The following GALNT18 variants were observed in gnomAD, a reference collection of about 807,000 sequenced individuals.
GALNT18 encodes GalNAc-transferase 18.
Under a neutral mutation model 69.5 loss-of-function variants are expected in GALNT18, and 44 were observed. The observed-to-expected ratio is 0.63, with a 90% CI of 0.50 to 0.81. The LOEUF (loss-of-function observed/expected upper bound fraction) is 0.81. Ranked by LOEUF, GALNT18 falls within the 40% of genes least tolerant of loss-of-function variation. The pLI is 0.00. For missense variants in GALNT18, 715 were observed against 810.0 expected, an observed-to-expected ratio of 0.88 and a Z score of 1.42; for synonymous variants, 364 against 318.2, an observed-to-expected ratio of 1.14 and a Z score of -1.53.
At chr11:11,566,974 T>A (rs2133991041) in intron 1 of GALNT18, among the ~76,000 whole-genome samples, 1 of 152,192 alleles carries the variant, frequency 6.6e-6, no homozygotes, top group East Asian at 1.9e-4. Context: ...GCTTCCTGGA[T>A]CCTGCTTAGG....
rs773214798 is a variant in GALNT18, at chr11:11,432,267, A to G, written c.595+354T>C. Among the ~76,000 whole-genome samples the G allele has an allele frequency of 6.6e-6, 1 of 152,198 alleles. No individual in the cohort carries two copies. Among genetic ancestry groups the G allele is most frequent in the Non-Finnish European group, 1.5e-5 (1 of 68,036 alleles). ...ACAATCTTCCAGGCAGAGGCTGTGG[A>G]ACCCTACTAGGTGAAATGATGCATC... On this transcript the variant is annotated intron_variant, in intron 3 of 10. Transcript: ENST00000227756. The surrounding 1 kb of genome is among the most constrained non-coding windows in gnomAD (Gnocchi z 5.8).
chr11:11,418,044 A>G (rs1243735247), intron 3 of GALNT18, among the ~76,000 whole-genome samples: 1 of 152,222 alleles, frequency 6.6e-6, no homozygotes, highest in East Asian at 1.9e-4. Context: ...ATGTATTCTG[A>G]TGATAGAACT....
At chr11:11,405,172 G>A (rs1854562238) in intron 3 of GALNT18, among the ~76,000 whole-genome samples, 1 of 151,888 alleles carries the variant, frequency 6.6e-6, no homozygotes, top group South Asian at 2.1e-4. Flanking sequence ...TGGGTAATGG[G>A]AGGCAATGTG....
At position 11,320,149 on chromosome 11, in the gene GALNT18, G is replaced by A. The variant is rs541339852; in HGVS notation, c.1512+6937C>T. Among the ~76,000 whole-genome samples the A allele has an allele frequency of 6.6e-6, 1 of 152,118 alleles. No homozygotes were observed. Among genetic ancestry groups the A allele is most frequent in the Non-Finnish European group, 1.5e-5 (1 of 68,006 alleles). On this transcript the variant is annotated intron_variant, in intron 9 of 10. Coordinates refer to ENST00000227756, the MANE Select transcript of GALNT18 (RefSeq NM_198516.3). The surrounding 1 kb of genome is among the most constrained non-coding windows in gnomAD (Gnocchi z 4.9). ...GCTGGGATTTGAACCCATATAGTCTGGTTCTTAATCACTATATATTGCCTC... is the reference window on the plus strand; with the variant it reads ...GCTGGGATTTGAACCCATATAGTCTAGTTCTTAATCACTATATATTGCCTC...
At chr11:11,306,733 T>G (rs7930249) in intron 9 of GALNT18, among the ~76,000 whole-genome samples, 23,554 of 152,236 alleles carry the variant, frequency 0.15, 2,102 homozygotes, top group East Asian at 0.25. Flanking sequence ...TGATGAGGCA[T>G]TGTGACGTGT....
chr11:11,499,141 T>C (rs1856925931), intron 1 of GALNT18, among the ~76,000 whole-genome samples: 1 of 152,220 alleles, frequency 6.6e-6, no homozygotes, highest in South Asian at 2.1e-4. Context: ...CTTTATTATA[T>C]GATCAGCCAG....
At chr11:11,578,330 C>CAAAAAAAAAAAAAAAAAAAAAAAA (rs57579910) in intron 1 of GALNT18, among the ~76,000 whole-genome samples, 2 of 120,606 alleles carry the variant, frequency 1.7e-5, no homozygotes, top group African/African-American at 7.1e-5. Context: ...TAAAAAGAAC[C>CAAAAAAAAAAAAAAAAAAAAAAAA]AAAAAAAAAA....
chr11:11,343,071 C>T (rs999310238), intron 6 of GALNT18, among the ~76,000 whole-genome samples: 7 of 152,236 alleles, frequency 4.6e-5, no homozygotes, highest in South Asian at 4.1e-4. Flanking sequence ...TTGCCAGTTG[C>T]GGTGGCTCAC....
chr11:11,483,223 A>C (rs1856571217), intron 1 of GALNT18, among the ~76,000 whole-genome samples: 1 of 152,060 alleles, frequency 6.6e-6, no homozygotes, highest in Non-Finnish European at 1.5e-5. Flanking sequence ...CTCCTTTGCC[A>C]GCTCTACTCT....
At chr11:11,373,406 T>C (rs1156786) in intron 5 of GALNT18, among the ~76,000 whole-genome samples, 123,138 of 152,208 alleles carry the variant, frequency 0.81, 50,182 homozygotes, top group Middle Eastern at 0.96. Flanking sequence ...GGGAGAGGAA[T>C]CTGGATGCCA....
intron 9 of GALNT18, among the ~76,000 whole-genome samples, chr11:11,298,153 C>T (rs998944568): frequency 6.6e-6 from 1 of 152,210 alleles, no homozygotes; most frequent in Non-Finnish European, 1.5e-5. Flanking sequence ...GCAGGATACC[C>T]TGGTCTCAGA....
At chr11:11,271,339 C>T (rs776912897) in intron 10 of GALNT18, 49 bp from the exon 11 acceptor site, 1 of 1,584,634 alleles carries the variant, frequency 6.3e-7, no homozygotes, top group East Asian at 2.3e-5. Context: ...AGGCAACATG[C>T]AGAAATTCGG....
At position 11,332,606 on chromosome 11, in the gene GALNT18, T is replaced by C; in HGVS notation, c.1416+88A>G. 2.0e-6 allele frequency: 3 copies of C among 1,465,588 alleles called. No individual in the cohort carries two copies. The highest frequency in any genetic ancestry group is 2.8e-6 in the Non-Finnish European group (3 of 1,057,900). The allele number at this position is 1,465,588 out of a possible 1,614,324, so 90.8% of individuals were successfully genotyped here. ...TACTGCAGTTCTTCATGTGAGCAGC[T>C]GAGAGGCTCTTTCCCTCCTCTCCCT... On this transcript the variant is annotated intron_variant, in intron 8 of 10. Transcript: ENST00000227756. The surrounding 1 kb of genome is among the most constrained non-coding windows in gnomAD (Gnocchi z 4.3).
intron 6 of GALNT18, among the ~76,000 whole-genome samples, chr11:11,368,084 ACACTTATAGG>A (rs1385931463): frequency 6.6e-6 from 1 of 152,212 alleles, no homozygotes; most frequent in Non-Finnish European, 1.5e-5. Context: ...TATTGGGCAT[ACACTTATAGG>A]TTGACAATTA....
chr11:11,497,363 CACACA>C lies in GALNT18; in HGVS notation c.236-48432_236-48428del, dbSNP rs1856886347. ...ACACACACACACACACACACACACA[CACACA>C]CACCCCTTAGAATGGGGCTCCTTAA... On this transcript the variant is annotated intron_variant, in intron 1 of 10. Coordinates refer to ENST00000227756, the MANE Select transcript of GALNT18 (RefSeq NM_198516.3). The surrounding 1 kb of genome is among the most constrained non-coding windows in gnomAD (Gnocchi z 4.2). Among the ~76,000 whole-genome samples the C allele has an allele frequency of 2.7e-5, 4 of 150,668 alleles. No individual in the cohort carries two copies. The highest frequency in any genetic ancestry group is 9.8e-5 in the African/African-American group (4 of 40,966).
At chr11:11,282,895 G>A (rs1849112512) in intron 10 of GALNT18, among the ~76,000 whole-genome samples, 1 of 151,882 alleles carries the variant, frequency 6.6e-6, no homozygotes, top group Admixed American at 6.6e-5. Flanking sequence ...ATGCGAGAAG[G>A]TGATAAGGTT....
At chr11:11,426,950 A>C (rs1855146016) in intron 3 of GALNT18, among the ~76,000 whole-genome samples, 2 of 152,184 alleles carry the variant, frequency 1.3e-5, no homozygotes, top group African/African-American at 4.8e-5. Context: ...AAAAAATAAA[A>C]TTTTAATAAT....
At position 11,561,038 on chromosome 11, in the gene GALNT18, T is replaced by G. The variant is rs143505237; in HGVS notation, c.235+60321A>C. Among the ~76,000 whole-genome samples, 224 of 152,352 alleles carry G rather than the reference T, an allele frequency of 1.5e-3. 2 individuals carry two copies. Among genetic ancestry groups the G allele is most frequent in the African/African-American group, 5.1e-3 (212 of 41,580 alleles). ...GATGGCATTTTAACGAAAAAGTCACTTAAGACCTGCAGTGAAAACTATATT... is the reference window on the plus strand; with the variant it reads ...GATGGCATTTTAACGAAAAAGTCACGTAAGACCTGCAGTGAAAACTATATT... On this transcript the variant is annotated intron_variant, in intron 1 of 10. Transcript: ENST00000227756.
intron 1 of GALNT18, among the ~76,000 whole-genome samples, chr11:11,472,579 G>A (rs112262026): frequency 1.5e-5 from 1 of 64,720 alleles, no homozygotes; most frequent in African/African-American, 5.4e-5. Context: ...TTCTGAATGT[G>A]CAGAGTGAAA....
Sources: allele counts gnomAD v4.1 joint callset (sites outside exome capture counted in the v4.1 genomes callset), GRCh38; gene constraint gnomAD v4.1.1; non-coding constraint Gnocchi (gnomAD v3.1); transcripts MANE v1.5; gene names NCBI Gene and HGNC (gene_info 2026-07-23, HGNC 2026-07-21).